Variants in BRF1 observed in about 807,000 individuals in gnomAD.
BRF1 encodes the protein transcription factor IIIB 90 kDa subunit.
BRF1 carries 59 observed loss-of-function variants against 81.7 expected under a neutral mutation model. The ratio of observed to expected loss-of-function variants is 0.72; its 90% CI spans 0.59 to 0.90. The LOEUF (loss-of-function observed/expected upper bound fraction) is 0.90, where lower values mean the gene tolerates loss of function less well. Among genes scored for constraint, BRF1 ranks in the 40% least tolerant of loss-of-function variants. The probability of loss-of-function intolerance (pLI) is 0.00; values close to 1 mark genes in which losing one functional copy is unlikely to be tolerated. For synonymous variants in BRF1, 491 were observed against 395.6 expected (o/e 1.24, Z -2.86); for missense variants, 1,050 against 936.3 (o/e 1.12, Z -1.58).
chr14:105,226,866 T>C (rs1371647257), intron 7 of BRF1, 106 bp from the exon 8 acceptor site: 8 of 1,558,190 alleles, frequency 5.1e-6, no homozygotes, highest in Non-Finnish European at 6.9e-6. Flanking sequence ...CCCAGTGCTT[T>C]GGGAGCCCAA....
At chr14:105,228,462 T>C (rs1428151715) in intron 7 of BRF1, among the ~76,000 whole-genome samples, 3 of 150,796 alleles carry the variant, frequency 2.0e-5, no homozygotes, top group Non-Finnish European at 4.4e-5. Context: ...GAGAATCTCT[T>C]GGACCCGGGA....
rs1187130257 is a variant in BRF1 at position 105,248,556 on chromosome 14, G to GGCGGGT, written c.544+3945_544+3950dup. ...ACGCAGCGTGACGCACCGGCGCCGCGGCGGGTACGGGCTCGGGCGGGCGGG... is the reference window on the plus strand; with the variant it reads ...ACGCAGCGTGACGCACCGGCGCCGCGGCGGGTGCGGGTACGGGCTCGGGCGGGCGGG... On this transcript the variant is annotated intron_variant, in intron 5 of 17. Coordinates refer to ENST00000547530, the MANE Select transcript of BRF1 (RefSeq NM_001519.4). 7.2e-4 allele frequency: 596 copies of GGCGGGT among 828,264 alleles called. 1 individual carries two copies. The highest frequency in any genetic ancestry group is 7.5e-4 in the Non-Finnish European group (529 of 705,394). The allele number at this position is 828,264 out of a possible 1,614,324, so 51.3% of individuals were successfully genotyped here.
chr14:105,223,277 C>T (rs1358728089), intron 10 of BRF1, among the ~76,000 whole-genome samples: 3 of 152,232 alleles, frequency 2.0e-5, no homozygotes, highest in Admixed American at 6.5e-5. Context: ...AGGAAATCAA[C>T]GTCCACACAA....
rs1023371078 is a variant in BRF1, at chr14:105,214,411, G to A, written c.1773-2247C>T. Among the ~76,000 whole-genome samples, 94 of 137,226 alleles carry A rather than the reference G, an allele frequency of 6.9e-4. 2 individuals carry two copies. In the South Asian group the frequency reaches 0.013, roughly 19 times the overall value. The allele number at this position is 137,226 out of a possible 152,430, so 90.0% of individuals were successfully genotyped here. A position where few individuals can be genotyped will look rare whatever the true frequency, so the allele number is the denominator to read the frequency against. ...AGGGAGCGGCTGCCCACATCCCTGT[G>A]TGGCTCAGCTGCCCACACCCATGCA... is the stretch of plus-strand genomic sequence containing the variant. On this transcript the variant is annotated intron_variant, in intron 15 of 17. Transcript: ENST00000547530.
intron 2 of BRF1, among the ~76,000 whole-genome samples, chr14:105,275,331 T>C (rs144158880): frequency 1.1e-3 from 162 of 152,300 alleles, no homozygotes; most frequent in African/African-American, 3.8e-3. Context: ...CTAGAGCTCA[T>C]ACAGCTCTGA....
chr14:105,285,451 G>T (rs2057280457), intron 2 of BRF1, among the ~76,000 whole-genome samples: 1 of 152,152 alleles, frequency 6.6e-6, no homozygotes, highest in African/African-American at 2.4e-5. Flanking sequence ...GAGAAAACTG[G>T]GTCTGCACGT....
chr14:105,228,437 A>C (rs939030368), intron 7 of BRF1, among the ~76,000 whole-genome samples: 3 of 151,948 alleles, frequency 2.0e-5, no homozygotes, highest in Non-Finnish European at 4.4e-5. Flanking sequence ...CCAGCTACTC[A>C]GGAGGCTGAG....
intron 15 of BRF1, 99 bp downstream of exon 15, chr14:105,217,445 G>A (rs112367675): frequency 6.5e-7 from 1 of 1,535,892 alleles, no homozygotes. Context: ...GCACTTCTGT[G>A]GCCCCGGCTG....
chr14:105,241,165 T>C (rs2054592783), intron 6 of BRF1, 100 bp downstream of exon 6: 3 of 1,532,816 alleles, frequency 2.0e-6, no homozygotes, highest in African/African-American at 2.7e-5. Flanking sequence ...CTCTCAGTGC[T>C]CTGCAAACAT....
At chr14:105,245,934 A>G (rs2055065897) in intron 5 of BRF1, among the ~76,000 whole-genome samples, 1 of 152,210 alleles carries the variant, frequency 6.6e-6, no homozygotes, top group South Asian at 2.1e-4. Context: ...ATGACCTCAA[A>G]CTAAAAAGTT....
intron 10 of BRF1, among the ~76,000 whole-genome samples, chr14:105,223,409 AAACG>A (rs1892596644): frequency 6.6e-6 from 1 of 151,378 alleles, no homozygotes. Flanking sequence ...CACACAATAC[AAACG>A]AACAAACCAT....
upstream of BRF1, among the ~76,000 whole-genome samples, chr14:105,301,870 C>T (rs952734999): frequency 2.0e-5 from 3 of 152,224 alleles, no homozygotes; most frequent in African/African-American, 7.2e-5. Flanking sequence ...GGCGTAGTGG[C>T]TCACGCTTGT....
Position 105,221,916 on chromosome 14 carries a change from T to C in BRF1, c.1049-2A>G. On this transcript the variant is annotated splice_acceptor_variant, in intron 10 of 17. Coordinates refer to ENST00000547530, the MANE Select transcript of BRF1 (RefSeq NM_001519.4). LOFTEE classifies it high-confidence loss of function. Reference sequence around the variant, plus strand: ...TGGACGCGGTGTCCTCGGTGGAGCCTAGGTGTACACAATCCACCTGTTAAC... The same window carrying C: ...TGGACGCGGTGTCCTCGGTGGAGCCCAGGTGTACACAATCCACCTGTTAAC... 1 of 1,582,110 alleles carries C rather than the reference T, an allele frequency of 6.3e-7. No homozygotes were observed. Among genetic ancestry groups the C allele is most frequent in the South Asian group, 1.2e-5 (1 of 86,638 alleles).
intron 2 of BRF1, among the ~76,000 whole-genome samples, chr14:105,280,557 C>T (rs2057029791): frequency 6.6e-6 from 1 of 152,198 alleles, no homozygotes; most frequent in South Asian, 2.1e-4. Flanking sequence ...CAGATACAGC[C>T]TGAATGATCC....
chr14:105,286,754 C>T (rs116139243), intron 1 of BRF1, among the ~76,000 whole-genome samples: 3,431 of 152,264 alleles, frequency 0.023, 84 homozygotes, highest in African/African-American at 0.062. Flanking sequence ...TATAGGTGCC[C>T]GCCACCACGC....
In BRF1 at chr14:105,210,649, C is replaced by A; in HGVS notation, c.1997-61G>T. On this transcript the variant is annotated intron_variant, in intron 17 of 17. Coordinates refer to ENST00000547530, the MANE Select transcript of BRF1 (RefSeq NM_001519.4). This position sits in a 1 kb window ranked among gnomAD's most constrained non-coding sequence, Gnocchi z 4.7. ...TGTGGGACCCAGGAGCCCAGACCCC[C>A]CAACCCGCCCTGTTCCTGGTGCCCC... 2 of 1,580,658 alleles carry A rather than the reference C, an allele frequency of 1.3e-6. No homozygotes were observed. The highest frequency in any genetic ancestry group is 2.7e-5 in the African/African-American group (2 of 74,484).
chr14:105,286,344 A>G lies in BRF1; in HGVS notation c.217T>C (p.Phe73Leu). 1 of 1,613,792 alleles carries G rather than the reference A, an allele frequency of 6.2e-7. No individual in the cohort carries two copies. Among genetic ancestry groups the G allele is most frequent in the African/African-American group, 1.3e-5 (1 of 75,066 alleles). Reference sequence around the variant, plus strand: ...GACTCCTTCCCCAGATTCACGTGGAAGCCGCCACCCAGAGTCGGGGTTTTG... The same window carrying G: ...GACTCCTTCCCCAGATTCACGTGGAGGCCGCCACCCAGAGTCGGGGTTTTG... ...AGKTPTLGGG[F>L]HVNLGKESRA... The change falls in exon 2 of 18, where the codon TTC (phenylalanine) becomes CTC (leucine). Residue 73 changes from phenylalanine to leucine, a missense_variant. Around this residue, in one of 2 missense-constraint regions of BRF1, gnomAD observed 1,043 missense variants for 915.4 expected, o/e 1.14. Transcript: ENST00000547530.
rs587596510 is a variant in BRF1, at chr14:105,222,714, C to T, written c.1049-800G>A. ...CGCGATCTCGGCTCACTGCAAGCTC[C>T]GCCTCCCGGGTTCACGCCATTCTCC... On this transcript the variant is annotated intron_variant, in intron 10 of 17. Transcript: ENST00000547530. Among the ~76,000 whole-genome samples the T allele has an allele frequency of 3.3e-5, 5 of 152,162 alleles. No individual in the cohort carries two copies. The South Asian group carries it at 6.2e-4, about 19-fold the overall frequency.
At chr14:105,268,094 C>T (rs1160108877) in intron 3 of BRF1, among the ~76,000 whole-genome samples, 1 of 152,256 alleles carries the variant, frequency 6.6e-6, no homozygotes, top group Non-Finnish European at 1.5e-5. Flanking sequence ...CTAGGGCTCA[C>T]CAGCCTGTCA....
Sources: gnomAD v4.1 joint callset for allele counts (sites outside exome capture counted in the v4.1 genomes callset) on GRCh38, gnomAD v4.1.1 for gene constraint, gnomAD v4.1.1 regional missense constraint, Gnocchi (gnomAD v3.1) non-coding constraint, MANE v1.5 for transcripts, NCBI Gene and HGNC (gene_info 2026-07-23, HGNC 2026-07-21) for gene names.